Variants in SCNN1B observed in about 807,000 individuals in gnomAD.
SCNN1B encodes the protein sodium channel epithelial 1 subunit beta.
A neutral mutation model predicts 65.3 loss-of-function variants in SCNN1B; 46 were observed. That is an observed-to-expected ratio of 0.70 (90% CI 0.56 to 0.90). The LOEUF is 0.90. SCNN1B is among the 40% of genes least tolerant of loss of function. SCNN1B has a pLI of 0.00. For synonymous variants in SCNN1B, 349 were observed against 330.6 expected (o/e 1.06, Z -0.60); for missense variants, 751 against 830.5 (o/e 0.90, Z 1.18).
chr16:23,377,139 T>C (rs1430550472), intron 8 of SCNN1B, 26 bp from the exon 9 acceptor site: 1 of 1,610,190 alleles, frequency 6.2e-7, no homozygotes, highest in Admixed American at 1.7e-5. Context: ...TTAAACCTCT[T>C]GGCCGCCTTT....
chr16:23,359,688 G>A (rs886601965), intron 4 of SCNN1B, among the ~76,000 whole-genome samples: 2 of 152,020 alleles, frequency 1.3e-5, no homozygotes, highest in Middle Eastern at 3.4e-3. Context: ...AGGAAAATGT[G>A]AGCCGCATGT....
chr16:23,279,290 G>A (rs1006900579), intron 1 of SCNN1B, among the ~76,000 whole-genome samples: 2 of 152,134 alleles, frequency 1.3e-5, no homozygotes, highest in African/African-American at 4.8e-5. Context: ...ATGTTGGCCA[G>A]GCTGGTCCTG....
At chr16:23,368,633 C>T (rs536595906) in intron 5 of SCNN1B, among the ~76,000 whole-genome samples, 1 of 152,160 alleles carries the variant, frequency 6.6e-6, no homozygotes, top group Non-Finnish European at 1.5e-5. Flanking sequence ...ATCGTATCTA[C>T]CGTGTGAGCC....
chr16:23,380,083 G>GC lies in SCNN1B; in HGVS notation c.1467-9dup. The stretch of plus-strand genomic sequence containing the variant: ...TACATTAGTCCCGGCCCTTCTCGCT[G>GC]CCTCCTGCAGGAAGGGAATTGTCAA... On this transcript the variant is annotated splice_polypyrimidine_tract_variant and intron_variant, in intron 11 of 12. Transcript: ENST00000343070. This position sits in a 1 kb window ranked among gnomAD's most constrained non-coding sequence, Gnocchi z 5.4. 1 of 1,612,246 alleles carries GC rather than the reference G, an allele frequency of 6.2e-7. No homozygotes were observed. The highest frequency in any genetic ancestry group is 8.5e-7 in the Non-Finnish European group (1 of 1,178,318).
At chr16:23,364,028 G>A (rs938388493) in intron 4 of SCNN1B, among the ~76,000 whole-genome samples, 71 of 151,900 alleles carry the variant, frequency 4.7e-4, no homozygotes, top group Non-Finnish European at 2.6e-4. Context: ...TTAGCCAGGC[G>A]TGGTGGCGCA....
chr16:23,380,169 C>T lies in SCNN1B; in HGVS notation c.1542C>T (p.Asn514=). 1.2e-6 allele frequency: 2 copies of T among 1,613,386 alleles called. No individual in the cohort carries two copies. The highest frequency in any genetic ancestry group is 1.7e-6 in the Non-Finnish European group (2 of 1,179,364). The part of the protein sequence containing the change: ...YRTIEESAAN[N]IVWLLSNLGG... ...CCATTGAAGAATCAGCAGCCAATAACGTGAGTTTAGGAGTCTCCCAATACC... is the reference window on the plus strand; with the variant it reads ...CCATTGAAGAATCAGCAGCCAATAATGTGAGTTTAGGAGTCTCCCAATACC... Residue 514 remains asparagine, a splice_region_variant and synonymous_variant, in exon 12 of 13, where the codon AAC becomes AAT. Coordinates refer to ENST00000343070, the MANE Select transcript of SCNN1B (RefSeq NM_000336.3). This position sits in a 1 kb window ranked among gnomAD's most constrained non-coding sequence, Gnocchi z 5.4.
chr16:23,339,857 G>A (rs12447307), intron 1 of SCNN1B, among the ~76,000 whole-genome samples: 16,627 of 151,964 alleles, frequency 0.11, 1,027 homozygotes, highest in African/African-American at 0.16. Flanking sequence ...GTGAGCCACC[G>A]CGCCTGGCAA....
intron 3 of SCNN1B, among the ~76,000 whole-genome samples, chr16:23,354,208 C>T (rs966920659): frequency 6.6e-6 from 1 of 152,202 alleles, no homozygotes. Context: ...ATGGGGATAA[C>T]AATGATACTT....
At chr16:23,346,207 T>C (rs1197224270) in intron 1 of SCNN1B, among the ~76,000 whole-genome samples, 1 of 66,078 alleles carries the variant, frequency 1.5e-5, no homozygotes, top group Non-Finnish European at 3.1e-5. Context: ...TTTCTTTTTT[T>C]TTTTTTTTTT....
chr16:23,323,422 T>A (rs1408319134), intron 1 of SCNN1B: 1 of 643,770 alleles, frequency 1.6e-6, no homozygotes, highest in Non-Finnish European at 2.8e-6. Flanking sequence ...TGCATGGGTA[T>A]ATGCAAATAA....
Position 23,278,871 on chromosome 16 carries a change from TG to T in SCNN1B, n.110+536del, listed in dbSNP as rs1234057115. Among the ~76,000 whole-genome samples, 3 of 152,010 alleles carry T rather than the reference TG, an allele frequency of 2.0e-5. No homozygotes were observed. The South Asian group carries it at 6.2e-4, about 32-fold the overall frequency. On this transcript the variant is annotated intron_variant and non_coding_transcript_variant, in intron 1 of 3. Coordinates refer to the SCNN1B transcript ENST00000569789. ...GGGAGGATCACTTGAGCACAGAAGT[TG>T]GGGGCTGCAGTGAGCTATGATCGTA...
intron 9 of SCNN1B, 27 bp downstream of exon 9, chr16:23,377,267 G>T: frequency 6.2e-7 from 1 of 1,614,120 alleles, no homozygotes; most frequent in Non-Finnish European, 8.5e-7. Context: ...GGGCACAGCA[G>T]CGGGCAGGCA....
chr16:23,279,920 T>C (rs1960760260), intron 1 of SCNN1B, among the ~76,000 whole-genome samples: 1 of 152,174 alleles, frequency 6.6e-6, no homozygotes, highest in Non-Finnish European at 1.5e-5. Flanking sequence ...AAGATGCATC[T>C]GTCATGCCTA....
At chr16:23,284,243 A>G (rs1960821262) in intron 2 of SCNN1B, among the ~76,000 whole-genome samples, 1 of 152,012 alleles carries the variant, frequency 6.6e-6, no homozygotes, top group African/African-American at 2.4e-5. Context: ...TGTGCCTACT[A>G]AAAGTACAAA....
At chr16:23,306,106 G>T (rs562442602) in intron 1 of SCNN1B, among the ~76,000 whole-genome samples, 1 of 152,112 alleles carries the variant, frequency 6.6e-6, no homozygotes, top group Non-Finnish European at 1.5e-5. Context: ...AGCTGGGCAT[G>T]GTGGTGGGTG....
At chr16:23,296,844 C>A (rs1961004446) in intron 2 of SCNN1B, among the ~76,000 whole-genome samples, 1 of 151,934 alleles carries the variant, frequency 6.6e-6, no homozygotes. Context: ...TACTAAAATA[C>A]AAAAAATTAG....
At chr16:23,329,272 T>G (rs573763937) in intron 1 of SCNN1B, among the ~76,000 whole-genome samples, 1 of 151,678 alleles carries the variant, frequency 6.6e-6, no homozygotes, top group South Asian at 2.1e-4. Context: ...CCACCAAACA[T>G]GGCTAATTTT....
intron 1 of SCNN1B, among the ~76,000 whole-genome samples, chr16:23,332,340 C>T (rs1299099310): frequency 1.3e-5 from 2 of 151,952 alleles, no homozygotes; most frequent in African/African-American, 2.4e-5. Flanking sequence ...GGATTACAGG[C>T]GCCCACCACC....
intron 2 of SCNN1B, among the ~76,000 whole-genome samples, chr16:23,289,398 T>C (rs1031353297): frequency 4.6e-5 from 7 of 152,084 alleles, no homozygotes; most frequent in Admixed American, 2.6e-4. Flanking sequence ...CTACAAAATA[T>C]TTTTAAAAAT....
Sources: gnomAD v4.1 joint callset for allele counts (sites outside exome capture counted in the v4.1 genomes callset) on GRCh38, gnomAD v4.1.1 for gene constraint, Gnocchi (gnomAD v3.1) non-coding constraint, MANE v1.5 for transcripts, NCBI Gene and HGNC (gene_info 2026-07-23, HGNC 2026-07-21) for gene names.